RBMS3: variants seen among roughly 807,000 people sequenced by gnomAD.
RBMS3 encodes the protein RNA binding motif single stranded interacting protein 3.
Under a neutral mutation model 66.8 loss-of-function variants are expected in RBMS3, and 27 were observed. The ratio of observed to expected loss-of-function variants is 0.40; its 90% CI spans 0.30 to 0.56. The LOEUF (loss-of-function observed/expected upper bound fraction) is 0.56, where lower values mean the gene tolerates loss of function less well. RBMS3 is among the 20% of genes least tolerant of loss of function. The probability of loss-of-function intolerance (pLI) is 0.40; values close to 1 mark genes in which losing one functional copy is unlikely to be tolerated. For synonymous variants in RBMS3, 188 were observed against 183.0 expected, an observed-to-expected ratio of 1.03 and a Z score of -0.22; for missense variants, 513 against 549.5, an observed-to-expected ratio of 0.93 and a Z score of 0.66.
At chr3:29,733,414 G>A (rs1208637958) in intron 4 of RBMS3, among the ~76,000 whole-genome samples, 1 of 151,378 alleles carries the variant, frequency 6.6e-6, no homozygotes, top group Non-Finnish European at 1.5e-5. Flanking sequence ...TCACATGTTA[G>A]TATTTTTAGT....
chr3:29,824,043 A>G (rs2058139952), intron 6 of RBMS3, among the ~76,000 whole-genome samples: 1 of 152,042 alleles, frequency 6.6e-6, no homozygotes, highest in South Asian at 2.1e-4. Flanking sequence ...AGGTGCCTCC[A>G]TAATCTCCCC....
chr3:29,752,313 A>G (rs184989484), intron 5 of RBMS3, among the ~76,000 whole-genome samples: 1 of 151,662 alleles, frequency 6.6e-6, no homozygotes, highest in African/African-American at 2.4e-5. Flanking sequence ...CTGCCAGTGG[A>G]GCTTGGAGTT....
rs535922069 is a variant in RBMS3 at position 29,709,228 on chromosome 3, CACTTAGA to C, written c.400-30490_400-30484del. On this transcript the variant is annotated intron_variant, in intron 4 of 14. Transcript: ENST00000383767. ...CCTGCAGCCAACGAGTAATCAGTCC[CACTTAGA>C]ATTCTTGTACTTGATTGCTTGCAAT... Among the ~76,000 whole-genome samples, 451 of 152,298 alleles carry C rather than the reference CACTTAGA, an allele frequency of 3.0e-3. 1 individual carries two copies. Among genetic ancestry groups the C allele is most frequent in the African/African-American group, 9.8e-3 (406 of 41,558 alleles).
At chr3:29,325,169 A>G (rs1250208938) in intron 1 of RBMS3, among the ~76,000 whole-genome samples, 4 of 152,176 alleles carry the variant, frequency 2.6e-5, no homozygotes, top group Non-Finnish European at 5.9e-5. Flanking sequence ...TATCTCCAAA[A>G]TATTTTGTGA....
At chr3:29,294,520 A>C (rs2033083324) in intron 1 of RBMS3, among the ~76,000 whole-genome samples, 2 of 151,842 alleles carry the variant, frequency 1.3e-5, no homozygotes, top group African/African-American at 4.8e-5. Flanking sequence ...AGTGAGGGGC[A>C]GAAGTGGATT....
chr3:29,620,086 G>A (rs1345940033), intron 4 of RBMS3, among the ~76,000 whole-genome samples: 1 of 152,124 alleles, frequency 6.6e-6, no homozygotes, highest in Non-Finnish European at 1.5e-5. Flanking sequence ...AAATAAGGGT[G>A]AATAATGGTG....
chr3:29,871,016 T>C (rs1232400976), intron 7 of RBMS3, among the ~76,000 whole-genome samples: 1 of 152,130 alleles, frequency 6.6e-6, no homozygotes, highest in Non-Finnish European at 1.5e-5. Flanking sequence ...TCACTTTATA[T>C]TTTTTGCTTC....
At chr3:29,464,085 G>T (rs1211567253) in intron 2 of RBMS3, among the ~76,000 whole-genome samples, 1 of 151,938 alleles carries the variant, frequency 6.6e-6, no homozygotes, top group Non-Finnish European at 1.5e-5. Context: ...TTTTTCTCGG[G>T]CACCTGCAAC....
At chr3:29,358,960 G>T (rs1223652789) in intron 1 of RBMS3, among the ~76,000 whole-genome samples, 6 of 152,138 alleles carry the variant, frequency 3.9e-5, no homozygotes, top group Non-Finnish European at 8.8e-5. Context: ...AGATGATGGG[G>T]TTTTCTAGAT....
intron 3 of RBMS3, among the ~76,000 whole-genome samples, chr3:29,504,981 G>A (rs2044126566): frequency 6.6e-6 from 1 of 151,992 alleles, no homozygotes; most frequent in South Asian, 2.1e-4. Context: ...TCTATGGTTT[G>A]CAAATACTTC....
At chr3:29,694,536 A>G (rs2052177111) in intron 4 of RBMS3, among the ~76,000 whole-genome samples, 1 of 152,192 alleles carries the variant, frequency 6.6e-6, no homozygotes. Context: ...GTTACTTGGG[A>G]TTCACTGTTA....
intron 1 of RBMS3, among the ~76,000 whole-genome samples, chr3:29,424,903 C>T (rs1471316673): frequency 6.6e-6 from 1 of 152,088 alleles, no homozygotes; most frequent in Non-Finnish European, 1.5e-5. Flanking sequence ...TGCAAGAGTT[C>T]ATTTAGTTGC....
chr3:29,293,608 C>G (rs1465211171), intron 1 of RBMS3, among the ~76,000 whole-genome samples: 1 of 151,798 alleles, frequency 6.6e-6, no homozygotes, highest in East Asian at 1.9e-4. Context: ...GTATGCATTT[C>G]TCCATCCTTG....
intron 1 of RBMS3, among the ~76,000 whole-genome samples, chr3:29,389,182 G>T (rs2125639709): frequency 6.6e-6 from 1 of 152,168 alleles, no homozygotes; most frequent in East Asian, 1.9e-4. Flanking sequence ...CCCTCTGATT[G>T]CCCAGGTATA....
chr3:29,750,778 A>G (rs1337419910), intron 5 of RBMS3, among the ~76,000 whole-genome samples: 1 of 152,132 alleles, frequency 6.6e-6, no homozygotes, highest in Admixed American at 6.6e-5. Context: ...TTCTTATTTG[A>G]CAATGCTTCC....
intron 1 of RBMS3, among the ~76,000 whole-genome samples, chr3:29,388,677 C>T (rs1174300978): frequency 6.6e-6 from 1 of 152,134 alleles, no homozygotes; most frequent in Non-Finnish European, 1.5e-5. Context: ...CGCCATTCTC[C>T]GCCTCAGCCT....
At chr3:29,543,592 C>T (rs889995460) in intron 3 of RBMS3, among the ~76,000 whole-genome samples, 6 of 152,098 alleles carry the variant, frequency 3.9e-5, no homozygotes, top group Non-Finnish European at 8.8e-5. Flanking sequence ...AGTCTGTAAT[C>T]GCAGCTACTC....
chr3:29,674,935 T>C (rs2051175905), intron 4 of RBMS3, among the ~76,000 whole-genome samples: 1 of 152,144 alleles, frequency 6.6e-6, no homozygotes, highest in Admixed American at 6.5e-5. Flanking sequence ...AAAAAGAGCC[T>C]GCATTGCCAA....
At chr3:29,631,083 T>A (rs950678777) in intron 4 of RBMS3, among the ~76,000 whole-genome samples, 1 of 151,986 alleles carries the variant, frequency 6.6e-6, no homozygotes, top group Non-Finnish European at 1.5e-5. Flanking sequence ...AAGAGGTATT[T>A]AGTTGGTATT....
Sources: allele counts gnomAD v4.1 joint callset (sites outside exome capture counted in the v4.1 genomes callset), GRCh38; gene constraint gnomAD v4.1.1; transcripts MANE v1.5; gene names NCBI Gene and HGNC (gene_info 2026-07-23, HGNC 2026-07-21).